The following OR12D2 variants were observed in gnomAD, a reference collection of about 807,000 sequenced individuals.
The protein encoded by OR12D2 is olfactory receptor family 12 subfamily D member 2.
For synonymous variants in OR12D2, 146 were observed against 142.3 expected, an observed-to-expected ratio of 1.03 and a Z score of -0.19; for missense variants, 345 against 371.6, an observed-to-expected ratio of 0.93 and a Z score of 0.59.
chr6:29,397,458 T>G lies in OR12D2; in HGVS notation c.759T>G (p.Pro253=), dbSNP rs1457271858. ...TGGTAGTTATTCTTTTCTATGCACC[T>G]GTTCTTTTCACCTATATCCATCCTG... is the stretch of plus-strand genomic sequence containing the variant. ...HFMVVILFYA[P]VLFTYIHPAL... Residue 253 remains proline, a synonymous_variant, in exon 2 of 2, where the codon CCT becomes CCG. Transcript: ENST00000642051. The G allele has an allele frequency of 6.2e-7, 1 of 1,612,968 alleles. No homozygotes were observed. The highest frequency in any genetic ancestry group is 1.3e-5 in the African/African-American group (1 of 74,930).
intron 1 of OR12D2, chr6:29,396,497 G>T: frequency 1.8e-6 from 1 of 542,602 alleles, no homozygotes; most frequent in East Asian, 2.9e-5. Flanking sequence ...TTTAAAAAGT[G>T]GTTAAGTCAT....
rs1780574481 is a variant in OR12D2, at chr6:29,397,020, C to A, written c.321C>A (p.Ser107Arg). ...SQLHFFHSLG[S>R]TESMLFAVMA... ...TTCATTTCTTCCACTCCCTGGGCAGCACGGAGTCCATGTTGTTCGCCGTGA... is the reference window on the plus strand; with the variant it reads ...TTCATTTCTTCCACTCCCTGGGCAGAACGGAGTCCATGTTGTTCGCCGTGA... The change falls in exon 2 of 2, where the codon AGC becomes AGA. Residue 107 changes from serine (S) to arginine (R), a missense_variant. Ser to Arg is a moderately radical substitution (Grantham distance 110). Coordinates refer to ENST00000642051, the MANE Select transcript of OR12D2 (RefSeq NM_013936.4). The A allele has an allele frequency of 6.2e-7, 1 of 1,612,998 alleles. No individual in the cohort carries two copies. The highest frequency in any genetic ancestry group is 8.5e-7 in the Non-Finnish European group (1 of 1,179,988).
chr6:29,397,255 G>A lies in OR12D2; in HGVS notation c.556G>A (p.Ala186Thr). 3 of 1,612,992 alleles carry A rather than the reference G, an allele frequency of 1.9e-6. No homozygotes were observed. The highest frequency in any genetic ancestry group is 1.1e-5 in the South Asian group (1 of 91,064). ...LCDIKPLLKL[A>T]CGNTELNQWL... is the part of the protein sequence containing the mutation. ...TGATATTAAGCCATTGCTAAAGCTG[G>A]CCTGTGGGAACACTGAGCTTAATCA... Residue 186 changes from alanine (A) to threonine (T), a missense_variant, in exon 2 of 2, where the codon GCC (alanine) becomes ACC (threonine). Physicochemically the swap from Ala to Thr is moderately conservative, Grantham distance 58 (BLOSUM62 0). Coordinates refer to ENST00000642051, the MANE Select transcript of OR12D2 (RefSeq NM_013936.4).
At chr6:29,395,968 T>G (rs1456428875) in intron 1 of OR12D2, among the ~76,000 whole-genome samples, 153 bp downstream of exon 1, 2 of 152,198 alleles carry the variant, frequency 1.3e-5, no homozygotes, top group Non-Finnish European at 2.9e-5. Context: ...TAGAGCTCCA[T>G]GACATTGCCA....
chr6:29,396,072 G>C (rs930465155), intron 1 of OR12D2, among the ~76,000 whole-genome samples: 1 of 151,848 alleles, frequency 6.6e-6, no homozygotes, highest in Non-Finnish European at 1.5e-5. Flanking sequence ...ATTTTAAAGA[G>C]GTTTTTATAT....
chr6:29,397,482 T>C lies in OR12D2; in HGVS notation c.783T>C (p.Pro261=). The C allele has an allele frequency of 6.2e-7, 1 of 1,613,080 alleles. No individual in the cohort carries two copies. Among genetic ancestry groups the C allele is most frequent in the South Asian group, 1.1e-5 (1 of 91,086 alleles). Residue 261 remains proline (P), a synonymous_variant, in exon 2 of 2, where the codon CCT becomes CCC. Transcript: ENST00000642051. ...YAPVLFTYIH[P]ALESFMDQDR... Reference sequence around the variant, plus strand: ...CTGTTCTTTTCACCTATATCCATCCTGCGTTAGAGAGCTTCATGGACCAGG... The same window carrying C: ...CTGTTCTTTTCACCTATATCCATCCCGCGTTAGAGAGCTTCATGGACCAGG...
chr6:29,396,709 A>G lies in OR12D2; in HGVS notation c.10A>G (p.Thr4Ala), dbSNP rs1780544184. 4.3e-6 allele frequency: 7 copies of G among 1,610,676 alleles called. No individual in the cohort carries two copies. Among genetic ancestry groups the G allele is most frequent in the Non-Finnish European group, 4.2e-6 (5 of 1,179,370 alleles). MLN[T>A]TSVTEFLLLG... ...TCTTTTGTCTGAAGTGATGCTGAAT[A>G]CAACCTCAGTCACCGAATTTCTCCT... Residue 4 changes from threonine (T) to alanine (A), a missense_variant, in exon 2 of 2, where the codon ACA becomes GCA. Coordinates refer to ENST00000642051, the MANE Select transcript of OR12D2 (RefSeq NM_013936.4).
chr6:29,395,869 C>T (rs1229859637), intron 1 of OR12D2, 54 bp downstream of exon 1: 1 of 152,112 alleles, frequency 6.6e-6, no homozygotes, highest in Non-Finnish European at 1.5e-5. Flanking sequence ...GTAGAAGAAA[C>T]TAAGCACATT....
Position 29,397,075 on chromosome 6 carries a change from A to C in OR12D2, c.376A>C (p.Lys126Gln). The C allele has an allele frequency of 3.1e-6, 5 of 1,613,152 alleles. No individual in the cohort carries two copies. The highest frequency in any genetic ancestry group is 3.4e-6 in the Non-Finnish European group (4 of 1,179,988). ...MAFDLSVAIC[K>Q]PLRYTVIMNP... ...ATTTGACCTCTCTGTGGCTATCTGC[A>C]AGCCACTTCGCTACACTGTCATCAT... Residue 126 changes from lysine to glutamine, a missense_variant, in exon 2 of 2, where the codon AAG becomes CAG. Transcript: ENST00000642051.
At position 29,396,730 on chromosome 6, in the gene OR12D2, C is replaced by A. The variant is rs144532543; in HGVS notation, c.31C>A (p.Leu11Ile). Residue 11 changes from leucine to isoleucine, a missense_variant, in exon 2 of 2, where the codon CTC becomes ATC. By Grantham distance (5) the Leu-to-Ile change is conservative. Transcript: ENST00000642051. MLNTTSVTEF[L>I]LLGVTDIQEL... ...GAATACAACCTCAGTCACCGAATTT[C>A]TCCTCTTGGGAGTGACAGACATTCA... 3.7e-6 allele frequency: 6 copies of A among 1,611,922 alleles called. No homozygotes were observed. The African/African-American group carries it at 5.3e-5, about 14-fold the overall frequency.
Position 29,396,985 on chromosome 6 carries a change from A to C in OR12D2, c.286A>C (p.Ile96Leu), listed in dbSNP as rs1370995727. Reference sequence around the variant, plus strand: ...CAAAGCAATTTCTTTCTTGGGATGCATAAGCCAGCTTCATTTCTTCCACTC... The same window carrying C: ...CAAAGCAATTTCTTTCTTGGGATGCCTAAGCCAGCTTCATTTCTTCCACTC... Reference protein sequence around the residue: ...THKAISFLGCISQLHFFHSLG... With the variant: ...THKAISFLGCLSQLHFFHSLG... Residue 96 changes from isoleucine to leucine, a missense_variant, in exon 2 of 2, where the codon ATA becomes CTA. Physicochemically the swap from Ile to Leu is conservative, Grantham distance 5. Transcript: ENST00000642051. 6.2e-7 allele frequency: 1 copy of C among 1,613,018 alleles called. No individual in the cohort carries two copies.
intron 1 of OR12D2, among the ~76,000 whole-genome samples, chr6:29,396,297 C>G (rs1780510848): frequency 6.6e-6 from 1 of 151,990 alleles, no homozygotes; most frequent in Non-Finnish European, 1.5e-5. Context: ...ATTTCAGGAG[C>G]CATTTTCCTG....
chr6:29,396,993 G>A lies in OR12D2; in HGVS notation c.294G>A (p.Gln98=), dbSNP rs762679344. Residue 98 remains glutamine, a synonymous_variant, in exon 2 of 2, where the codon CAG becomes CAA. Transcript: ENST00000642051. ...KAISFLGCIS[Q]LHFFHSLGST... ...TTTCTTTCTTGGGATGCATAAGCCA[G>A]CTTCATTTCTTCCACTCCCTGGGCA... is the stretch of plus-strand genomic sequence containing the variant. 22 of 1,612,978 alleles carry A rather than the reference G, an allele frequency of 1.4e-5. No homozygotes were observed. Among genetic ancestry groups the A allele is most frequent in the Non-Finnish European group, 1.8e-5 (21 of 1,180,040 alleles).
chr6:29,396,921 G>A lies in OR12D2; in HGVS notation c.222G>A (p.Val74=). ...ACCTGGATATCTGTTACTCTACGGT[G>A]ACACTGCCAAAAATGCTGCAGAACT... The part of the protein sequence containing the change: ...LSYLDICYST[V]TLPKMLQNFL... Residue 74 remains valine, a synonymous_variant, in exon 2 of 2, where the codon GTG becomes GTA. Transcript: ENST00000642051. The A allele has an allele frequency of 6.2e-7, 1 of 1,612,964 alleles. No homozygotes were observed. Among genetic ancestry groups the A allele is most frequent in the East Asian group, 2.2e-5 (1 of 44,890 alleles).
chr6:29,396,627 A>G, intron 1 of OR12D2, 71 bp from the exon 2 acceptor site: 1 of 1,271,856 alleles, frequency 7.9e-7, no homozygotes, highest in Non-Finnish European at 1.1e-6. Context: ...TGGCTTGGTG[A>G]GAAAATTCTG....
At position 29,397,180 on chromosome 6, in the gene OR12D2, A is replaced by T; in HGVS notation, c.481A>T (p.Thr161Ser). The change falls in exon 2 of 2, where the codon ACT becomes TCT. Residue 161 changes from threonine (T) to serine (S), a missense_variant. By Grantham distance (58) the Thr-to-Ser change is moderately conservative. Coordinates refer to ENST00000642051, the MANE Select transcript of OR12D2 (RefSeq NM_013936.4). ...FFHALLHSVM[T>S]SRLNFCGSNR... ...CCATGCCCTGCTGCACTCCGTAATG[A>T]CTTCTCGCTTGAACTTCTGTGGTTC... 6.2e-7 allele frequency: 1 copy of T among 1,612,796 alleles called. No individual in the cohort carries two copies. The highest frequency in any genetic ancestry group is 8.5e-7 in the Non-Finnish European group (1 of 1,179,980).
Position 29,397,522 on chromosome 6 carries a change from A to G in OR12D2, c.823A>G (p.Ile275Val), listed in dbSNP as rs2151316363. The change falls in exon 2 of 2, where the codon ATC (isoleucine) becomes GTC (valine). Residue 275 changes from isoleucine (I) to valine (V), a missense_variant. Transcript: ENST00000642051. ...CATGGACCAGGACCGGATTGTTGCC[A>G]TCATGTACACTGTGGTCACTCCTGT... Reference protein sequence around the residue: ...SFMDQDRIVAIMYTVVTPVLN... With the variant: ...SFMDQDRIVAVMYTVVTPVLN... 6.2e-7 allele frequency: 1 copy of G among 1,613,026 alleles called. No individual in the cohort carries two copies. Among genetic ancestry groups the G allele is most frequent in the South Asian group, 1.1e-5 (1 of 91,086 alleles).
At position 29,395,714 on chromosome 6, in the gene OR12D2, G is replaced by A. The variant is rs143134111; in HGVS notation, c.-104G>A. ...GGTAAAATGAAGGAAGAATTGTTGA[G>A]TCTATTGGAAGAGTTTTTCTTATTC... On this transcript the variant is annotated 5_prime_UTR_variant, in exon 1 of 2. Coordinates refer to ENST00000642051, the MANE Select transcript of OR12D2 (RefSeq NM_013936.4). 1 of 152,302 alleles carries A rather than the reference G, an allele frequency of 6.6e-6. No individual in the cohort carries two copies. The highest frequency in any genetic ancestry group is 2.4e-5 in the African/African-American group (1 of 41,576). The allele number at this position is 152,302 out of a possible 1,614,324, so 9.4% of individuals were successfully genotyped here.
Position 29,397,287 on chromosome 6 carries a change from A to T in OR12D2, c.588A>T (p.Leu196=). 1 of 1,601,892 alleles carries T rather than the reference A, an allele frequency of 6.2e-7. No homozygotes were observed. Among genetic ancestry groups the T allele is most frequent in the Non-Finnish European group, 8.5e-7 (1 of 1,171,124 alleles). The part of the protein sequence containing the change: ...ACGNTELNQW[L]LSTVTGTIAM... The stretch of plus-strand genomic sequence containing the variant: ...GGAACACTGAGCTTAATCAGTGGCT[A>T]CTCAGTACTGTCACGGGGACAATTG... Residue 196 remains leucine (L), a synonymous_variant, in exon 2 of 2, where the codon CTA becomes CTT. Transcript: ENST00000642051.
Sources: allele counts gnomAD v4.1 joint callset (sites outside exome capture counted in the v4.1 genomes callset), GRCh38; gene constraint gnomAD v4.1.1; transcripts MANE v1.5; gene names NCBI Gene and HGNC (gene_info 2026-07-23, HGNC 2026-07-21).